Variants in PIK3AP1 observed in about 807,000 individuals in gnomAD.
PIK3AP1 encodes the protein phosphoinositide 3-kinase adapter protein 1.
Under a neutral mutation model 88.1 loss-of-function variants are expected in PIK3AP1, and 21 were observed. The ratio of observed to expected loss-of-function variants is 0.24; its 90% CI spans 0.17 to 0.34. The LOEUF (loss-of-function observed/expected upper bound fraction) is 0.34, where lower values mean the gene tolerates loss of function less well. Ranked by LOEUF, PIK3AP1 falls within the 10% of genes least tolerant of loss-of-function variation. PIK3AP1 has a pLI of 1.00. For synonymous variants in PIK3AP1, 398 were observed against 400.0 expected (o/e 1.00, Z 0.06); for missense variants, 828 against 1,035.7 (o/e 0.80, Z 2.75).
intron 2 of PIK3AP1, among the ~76,000 whole-genome samples, chr10:96,660,817 T>C (rs930861208): frequency 6.6e-6 from 1 of 152,148 alleles, no homozygotes; most frequent in Non-Finnish European, 1.5e-5. Context: ...AATACTATTC[T>C]GCACCAAAAA....
At position 96,595,571 on chromosome 10, in the gene PIK3AP1, G is replaced by A; in HGVS notation, c.*6C>T. On this transcript the variant is annotated 3_prime_UTR_variant, in exon 17 of 17. Coordinates refer to ENST00000339364, the MANE Select transcript of PIK3AP1 (RefSeq NM_152309.3). ...TCCTGAAGTAGGCAGGTTTTAGGAG[G>A]TGGAATCAGCGTCCTCTGGGTGGAA... 2 of 1,613,212 alleles carry A rather than the reference G, an allele frequency of 1.2e-6. No homozygotes were observed. The highest frequency in any genetic ancestry group is 1.7e-6 in the Non-Finnish European group (2 of 1,179,590).
At chr10:96,619,743 C>A (rs544410795) in intron 12 of PIK3AP1, among the ~76,000 whole-genome samples, 1 of 152,332 alleles carries the variant, frequency 6.6e-6, no homozygotes, top group African/African-American at 2.4e-5. Context: ...TCCTCTGACA[C>A]CCCAGTCCTC....
chr10:96,651,505 T>G lies in PIK3AP1; in HGVS notation c.855+4A>C. The G allele has an allele frequency of 1.9e-6, 3 of 1,614,218 alleles. No homozygotes were observed. Among genetic ancestry groups the G allele is most frequent in the Non-Finnish European group, 2.5e-6 (3 of 1,180,034 alleles). On this transcript the variant is annotated splice_donor_region_variant and intron_variant, in intron 5 of 16. Coordinates refer to ENST00000339364, the MANE Select transcript of PIK3AP1 (RefSeq NM_152309.3). Reference sequence around the variant, plus strand: ...AATCTCAGGTTTCCTTGTAATATCCTTACCTGACACATGAATTCCACAGGA... The same window carrying G: ...AATCTCAGGTTTCCTTGTAATATCCGTACCTGACACATGAATTCCACAGGA...
At chr10:96,598,133 T>C (rs114514598) in intron 16 of PIK3AP1, among the ~76,000 whole-genome samples, 2,998 of 146,012 alleles carry the variant, frequency 0.021, 115 homozygotes, top group African/African-American at 0.072. Context: ...AGCCTCAAAC[T>C]CCCAGGCTCA....
intron 1 of PIK3AP1, among the ~76,000 whole-genome samples, chr10:96,714,322 G>C (rs2134295744): frequency 6.6e-6 from 1 of 152,276 alleles, no homozygotes; most frequent in East Asian, 1.9e-4. Context: ...CAAAGTATAT[G>C]TTATCAAAAA....
At chr10:96,625,708 T>C (rs928352936) in intron 10 of PIK3AP1, among the ~76,000 whole-genome samples, 8 of 152,162 alleles carry the variant, frequency 5.3e-5, no homozygotes, top group African/African-American at 1.9e-4. Context: ...GATGATACCA[T>C]TGAAAAATAG....
intron 8 of PIK3AP1, chr10:96,633,324 C>CTGAA (rs1843271854): frequency 3.0e-6 from 1 of 332,336 alleles, no homozygotes; most frequent in African/African-American, 2.1e-5. Flanking sequence ...AGGAAGTCAA[C>CTGAA]TGAAGGTCAA....
At chr10:96,645,752 G>C in intron 7 of PIK3AP1, 90 bp from the exon 8 acceptor site, 2 of 1,110,802 alleles carry the variant, frequency 1.8e-6, no homozygotes, top group African/African-American at 1.6e-5. Flanking sequence ...GGCCAGCAAA[G>C]TAAAGGCTCC....
intron 8 of PIK3AP1, among the ~76,000 whole-genome samples, chr10:96,636,209 T>C (rs1843310409): frequency 6.6e-6 from 1 of 151,550 alleles, no homozygotes. Flanking sequence ...AGAGCAAGAC[T>C]CCGTCTCAGA....
chr10:96,650,810 A>T (rs927817759), intron 6 of PIK3AP1, among the ~76,000 whole-genome samples: 2 of 152,216 alleles, frequency 1.3e-5, no homozygotes, highest in African/African-American at 4.8e-5. Context: ...CCTCCTGCAG[A>T]TCAAAGCATA....
At chr10:96,710,090 A>T in intron 1 of PIK3AP1, 107 bp from the exon 2 acceptor site, 2 of 1,133,462 alleles carry the variant, frequency 1.8e-6, no homozygotes, top group Non-Finnish European at 2.5e-6. Flanking sequence ...GGCACCCACA[A>T]TCTTTCGTGG....
At chr10:96,674,583 C>T (rs1843891201) in intron 2 of PIK3AP1, among the ~76,000 whole-genome samples, 1 of 152,194 alleles carries the variant, frequency 6.6e-6, no homozygotes, top group Admixed American at 6.5e-5. Context: ...ATCTTTGTAT[C>T]CCCAGGGCTT....
chr10:96,596,310 A>G (rs1329020709), intron 16 of PIK3AP1, among the ~76,000 whole-genome samples: 1 of 152,182 alleles, frequency 6.6e-6, no homozygotes, highest in Non-Finnish European at 1.5e-5. Flanking sequence ...GGAAACCACA[A>G]TAAAAGCTCT....
chr10:96,708,738 G>C (rs757266684), intron 2 of PIK3AP1, among the ~76,000 whole-genome samples: 1 of 152,040 alleles, frequency 6.6e-6, no homozygotes, highest in Non-Finnish European at 1.5e-5. Flanking sequence ...GAAAGGATCG[G>C]AATTTTCCTA....
chr10:96,678,335 T>C (rs1433106467), intron 2 of PIK3AP1, among the ~76,000 whole-genome samples: 7 of 152,120 alleles, frequency 4.6e-5, no homozygotes, highest in Non-Finnish European at 1.0e-4. Flanking sequence ...CTAGGGAGGC[T>C]GAGGCAAGAG....
chr10:96,607,388 A>G (rs968365426), intron 14 of PIK3AP1, among the ~76,000 whole-genome samples: 1 of 152,188 alleles, frequency 6.6e-6, no homozygotes, highest in Admixed American at 6.5e-5. Flanking sequence ...TGAACCCGAA[A>G]ATATGGTGAC....
intron 14 of PIK3AP1, among the ~76,000 whole-genome samples, chr10:96,606,506 C>A (rs374327518): frequency 6.6e-6 from 1 of 152,330 alleles, no homozygotes; most frequent in African/African-American, 2.4e-5. Context: ...AATCTTCAAC[C>A]CCAATGTTTG....
At chr10:96,630,292 G>C (rs1229026625) in intron 8 of PIK3AP1, among the ~76,000 whole-genome samples, 6 of 152,102 alleles carry the variant, frequency 3.9e-5, no homozygotes, top group Admixed American at 3.9e-4. Flanking sequence ...TCCAAATGAG[G>C]AACCAGTAAA....
At chr10:96,678,846 G>T (rs1228322598) in intron 2 of PIK3AP1, among the ~76,000 whole-genome samples, 1 of 152,246 alleles carries the variant, frequency 6.6e-6, no homozygotes, top group African/African-American at 2.4e-5. Flanking sequence ...TCTTTGTTCA[G>T]GTTCAACAAC....
Sources: gnomAD v4.1 joint callset for allele counts (sites outside exome capture counted in the v4.1 genomes callset) on GRCh38, gnomAD v4.1.1 for gene constraint, MANE v1.5 for transcripts, NCBI Gene and HGNC (gene_info 2026-07-23, HGNC 2026-07-21) for gene names.